AIMP1: variants seen among roughly 807,000 people sequenced by gnomAD.
The protein encoded by AIMP1 is aminoacyl tRNA synthetase complex interacting multifunctional protein 1.
AIMP1 carries 24 observed loss-of-function variants against 33.1 expected under a neutral mutation model. The observed-to-expected ratio is 0.73, with a 90% confidence interval of 0.53 to 1.02. AIMP1 has a LOEUF of 1.02. Among genes scored for constraint, AIMP1 ranks in the 50% least tolerant of loss-of-function variants. The pLI, the probability that AIMP1 is intolerant of heterozygous loss-of-function variation, is 0.00. For synonymous variants in AIMP1, 120 were observed against 121.5 expected (o/e 0.99, Z 0.08); for missense variants, 367 against 364.8 (o/e 1.01, Z -0.05).
chr4:106,337,323 A>G (rs1769922803), intron 6 of AIMP1, among the ~76,000 whole-genome samples: 1 of 152,090 alleles, frequency 6.6e-6, no homozygotes, highest in East Asian at 1.9e-4. Context: ...CATAATCCCT[A>G]CATGTCATGG....
At chr4:106,317,442 G>A (rs1000744266) in intron 1 of AIMP1, among the ~76,000 whole-genome samples, 2 of 152,164 alleles carry the variant, frequency 1.3e-5, no homozygotes, top group African/African-American at 4.8e-5. Flanking sequence ...TAGAGTGATG[G>A]GCTCTGACTT....
Position 106,348,947 on chromosome 4 carries a change from G to T in AIMP1, c.*1255G>T, listed in dbSNP as rs1160864144. ...TATAGCTGTCTGAATCCTTCAATAA[G>T]AAGGAGAGGCACACACAAATACACA... On this transcript the variant is annotated 3_prime_UTR_variant, in exon 7 of 7. Coordinates refer to ENST00000672341, the MANE Select transcript of AIMP1 (RefSeq NM_001142416.2). 2 of 151,968 alleles carry T rather than the reference G, an allele frequency of 1.3e-5. No homozygotes were observed. The highest frequency in any genetic ancestry group is 1.3e-4 in the Admixed American group (2 of 15,236). The allele number at this position is 151,968 out of a possible 1,614,324, so 9.4% of individuals were successfully genotyped here. A position where few individuals can be genotyped will look rare whatever the true frequency, so the allele number is the denominator to read the frequency against.
At chr4:106,329,806 G>A (rs1271322966) in intron 4 of AIMP1, among the ~76,000 whole-genome samples, 3 of 100,580 alleles carry the variant, frequency 3.0e-5, no homozygotes, top group Admixed American at 1.3e-4. Flanking sequence ...TTTTTTTGGA[G>A]ACGGAGTCTT....
intron 6 of AIMP1, among the ~76,000 whole-genome samples, chr4:106,339,622 A>G (rs1481175298): frequency 6.6e-6 from 1 of 152,230 alleles, no homozygotes; most frequent in African/African-American, 2.4e-5. Context: ...GCATGAGAAC[A>G]GACTAACAGA....
chr4:106,318,944 G>GT (rs1047774047), intron 1 of AIMP1, among the ~76,000 whole-genome samples: 13 of 151,740 alleles, frequency 8.6e-5, no homozygotes, highest in Non-Finnish European at 1.3e-4. Context: ...ATTCAATAGT[G>GT]TTTTTTTTCA....
rs1770372791 is a variant in AIMP1, at chr4:106,348,116, T to C, written c.*424T>C. On this transcript the variant is annotated 3_prime_UTR_variant, in exon 7 of 7. Coordinates refer to ENST00000672341, the MANE Select transcript of AIMP1 (RefSeq NM_001142416.2). Reference sequence around the variant, plus strand: ...TTTTCAAAAATGACAGGTTGGAAAATGTTTGTCAGACTTATTAACTGGTCA... The same window carrying C: ...TTTTCAAAAATGACAGGTTGGAAAACGTTTGTCAGACTTATTAACTGGTCA... 6.2e-6 allele frequency: 1 copy of C among 160,756 alleles called. No individual in the cohort carries two copies. The highest frequency in any genetic ancestry group is 2.4e-5 in the African/African-American group (1 of 41,490). 10.0% of individuals were successfully genotyped at this position (160,756 alleles called of 1,614,324 possible). A position where few individuals can be genotyped will look rare whatever the true frequency, so the allele number is the denominator to read the frequency against.
chr4:106,331,748 T>G lies in AIMP1; in HGVS notation c.468T>G (p.Asp156Glu). Residue 156 changes from aspartate to glutamate, a missense_variant, in exon 5 of 7, where the codon GAT (aspartate) becomes GAG (glutamate). Asp to Glu is a conservative substitution (Grantham distance 45). Coordinates refer to ENST00000672341, the MANE Select transcript of AIMP1 (RefSeq NM_001142416.2). Reference sequence around the variant, plus strand: ...AGCCAATAGATGTTTCCCGTCTGGATCTTCGAATTGGTTGCATCATAACTG... The same window carrying G: ...AGCCAATAGATGTTTCCCGTCTGGAGCTTCGAATTGGTTGCATCATAACTG... Reference protein sequence around the residue: ...DSKPIDVSRLDLRIGCIITAR... With the variant: ...DSKPIDVSRLELRIGCIITAR... 2 of 1,614,126 alleles carry G rather than the reference T, an allele frequency of 1.2e-6. No homozygotes were observed. The highest frequency in any genetic ancestry group is 1.7e-6 in the Non-Finnish European group (2 of 1,180,006).
At position 106,331,790 on chromosome 4, in the gene AIMP1, T is replaced by A. The variant is rs1197092856; in HGVS notation, c.510T>A (p.Asp170Glu). 1 of 1,614,158 alleles carries A rather than the reference T, an allele frequency of 6.2e-7. No individual in the cohort carries two copies. Among genetic ancestry groups the A allele is most frequent in the Non-Finnish European group, 8.5e-7 (1 of 1,180,006 alleles). The change falls in exon 5 of 7, where the codon GAT (aspartate) becomes GAA (glutamate). Residue 170 changes from aspartate to glutamate, a missense_variant. Physicochemically the swap from Asp to Glu is conservative, Grantham distance 45 (BLOSUM62 2). Transcript: ENST00000672341. ...GCIITARKHPDADSLYVEEVD... is the reference protein window; with the variant it reads ...GCIITARKHPEADSLYVEEVD... Reference sequence around the variant, plus strand: ...TCATAACTGCTAGAAAACACCCTGATGCAGATTCTTTGTATGTGGAAGAAG... The same window carrying A: ...TCATAACTGCTAGAAAACACCCTGAAGCAGATTCTTTGTATGTGGAAGAAG...
chr4:106,343,330 A>G (rs1192682538), intron 6 of AIMP1, among the ~76,000 whole-genome samples: 1 of 152,144 alleles, frequency 6.6e-6, no homozygotes, highest in Non-Finnish European at 1.5e-5. Flanking sequence ...GGCTGATGTG[A>G]TTATATAGGC....
intron 5 of AIMP1, among the ~76,000 whole-genome samples, chr4:106,333,695 A>G (rs565203014): frequency 1.2e-4 from 19 of 152,270 alleles, no homozygotes; most frequent in Admixed American, 9.8e-4. Flanking sequence ...AATTCTTTCT[A>G]TAGTGAAATT....
chr4:106,342,250 T>C (rs1366089379), intron 6 of AIMP1, among the ~76,000 whole-genome samples: 1 of 152,110 alleles, frequency 6.6e-6, no homozygotes, highest in Non-Finnish European at 1.5e-5. Flanking sequence ...ATAATTTGAC[T>C]TCTTCTTTTC....
In AIMP1 at chr4:106,336,870, T is replaced by C; in HGVS notation, c.605T>C (p.Met202Thr). Residue 202 changes from methionine to threonine, a missense_variant and splice_region_variant, in exon 6 of 7, where the codon ATG becomes ACG. By Grantham distance (81) the Met-to-Thr change is moderately conservative (BLOSUM62 -1). Transcript: ENST00000672341. ...GLVNHVPLEQ[M>T]QNRMVILLCN... is the part of the protein sequence containing the mutation. ...CTTACCAGTTTATATTTCACACAGA[T>C]GCAAAATCGGATGGTGATTTTACTT... 6.2e-7 allele frequency: 1 copy of C among 1,613,906 alleles called. No homozygotes were observed. The highest frequency in any genetic ancestry group is 8.5e-7 in the Non-Finnish European group (1 of 1,179,846).
chr4:106,343,005 A>G (rs1770157742), intron 6 of AIMP1, among the ~76,000 whole-genome samples: 1 of 150,580 alleles, frequency 6.6e-6, no homozygotes, highest in African/African-American at 2.5e-5. Context: ...TTTAGGCTCG[A>G]GCCAACCTCC....
chr4:106,324,911 G>T (rs1769401594), intron 1 of AIMP1, 74 bp from the exon 2 acceptor site: 2 of 1,227,392 alleles, frequency 1.6e-6, no homozygotes, highest in Non-Finnish European at 2.2e-6. Flanking sequence ...CTTTCAGACT[G>T]CTTTTTCATA....
upstream of AIMP1, chr4:106,316,538 C>T: frequency 6.4e-7 from 1 of 1,551,598 alleles, no homozygotes; most frequent in Non-Finnish European, 8.7e-7. Flanking sequence ...ACGCGGGTGG[C>T]TGGACCTACA....
At position 106,348,803 on chromosome 4, in the gene AIMP1, T is replaced by C. The variant is rs926034963; in HGVS notation, c.*1111T>C. On this transcript the variant is annotated 3_prime_UTR_variant, in exon 7 of 7. Transcript: ENST00000672341. ...AGAAATATTAGTGACTTTAACCAGG[T>C]TTCAGAATCTGGGCCTTACCTTTAC... The C allele has an allele frequency of 6.6e-6, 1 of 152,080 alleles. No individual in the cohort carries two copies. Among genetic ancestry groups the C allele is most frequent in the Non-Finnish European group, 1.5e-5 (1 of 68,024 alleles). The allele number at this position is 152,080 out of a possible 1,614,324, so 9.4% of individuals were successfully genotyped here.
chr4:106,333,201 G>A (rs905579631), intron 5 of AIMP1, among the ~76,000 whole-genome samples: 1 of 152,036 alleles, frequency 6.6e-6, no homozygotes, highest in Non-Finnish European at 1.5e-5. Context: ...TTTACGGAAG[G>A]TTAAGAAGAG....
At chr4:106,327,643 G>C in intron 3 of AIMP1, 79 bp downstream of exon 3, 1 of 1,065,358 alleles carries the variant, frequency 9.4e-7, no homozygotes, top group Non-Finnish European at 1.4e-6. Context: ...AAAGAAGTAA[G>C]AATCTGTATC....
chr4:106,324,085 TCAAA>T (rs1769371768), intron 1 of AIMP1, among the ~76,000 whole-genome samples: 1 of 152,028 alleles, frequency 6.6e-6, no homozygotes. Context: ...TTTGAAATTT[TCAAA>T]CAATCTGTTA....
Sources: gnomAD v4.1 joint callset for allele counts (sites outside exome capture counted in the v4.1 genomes callset) on GRCh38, gnomAD v4.1.1 for gene constraint, MANE v1.5 for transcripts, NCBI Gene and HGNC (gene_info 2026-07-23, HGNC 2026-07-21) for gene names.